Variants in MGST2 observed in about 807,000 individuals in gnomAD.
The protein encoded by MGST2 is glutathione peroxidase MGST2.
MGST2 carries 9 observed loss-of-function variants against 16.6 expected under a neutral mutation model. The observed-to-expected ratio is 0.54, with a 90% CI of 0.33 to 0.95. MGST2 has a LOEUF of 0.95. Ranked by LOEUF, MGST2 falls within the 40% of genes least tolerant of loss-of-function variation. MGST2 has a pLI of 0.03. For synonymous variants in MGST2, 79 were observed against 68.0 expected (o/e 1.16, Z -0.79); for missense variants, 159 against 175.1 (o/e 0.91, Z 0.52).
the MGST2 span, among the ~76,000 whole-genome samples, chr4:139,752,949 T>C: frequency 6.6e-6 from 1 of 152,018 alleles, no homozygotes; most frequent in Non-Finnish European, 1.5e-5. Context: ...CAGGCTGGGG[T>C]GATTTTTTTG....
chr4:139,712,713 C>T (rs1178942138), intron 5 of MGST2, among the ~76,000 whole-genome samples: 2 of 152,102 alleles, frequency 1.3e-5, no homozygotes, highest in Non-Finnish European at 1.5e-5. Flanking sequence ...TCTTTACTTA[C>T]CATAGGTCAG....
chr4:139,717,122 T>C (rs891610942), intron 5 of MGST2: 1 of 152,498 alleles, frequency 6.6e-6, no homozygotes, highest in Non-Finnish European at 1.5e-5. Flanking sequence ...TACAAATAAC[T>C]TTTTTTAGAC....
intron 5 of MGST2, chr4:139,719,765 G>C (rs371775002): frequency 6.2e-7 from 1 of 1,613,600 alleles, no homozygotes; most frequent in African/African-American, 1.3e-5. Flanking sequence ...CGGCTGCCCA[G>C]CTTGAAGAGG....
chr4:139,675,097 C>T (rs978626582), intron 1 of MGST2, among the ~76,000 whole-genome samples: 4 of 152,176 alleles, frequency 2.6e-5, no homozygotes, highest in African/African-American at 7.2e-5. Context: ...TATGTGAAGA[C>T]GTTGTCTTTA....
At chr4:139,706,832 A>C (rs559226742), downstream of MGST2, among the ~76,000 whole-genome samples, 45 of 152,278 alleles carry the variant, frequency 3.0e-4, no homozygotes, top group African/African-American at 1.1e-3. Flanking sequence ...GATTATTTTC[A>C]TTCCTATTAG....
chr4:139,724,236 A>ATC (rs1272938460), intron 5 of MGST2, among the ~76,000 whole-genome samples: 1 of 152,212 alleles, frequency 6.6e-6, no homozygotes. Flanking sequence ...TTTACAGGTG[A>ATC]TCTTCAATGT....
rs185122436 is a variant in MGST2 at position 139,686,552 on chromosome 4, C to T, written c.158+7910C>T. ...TTTAATTTTTGGTTTACACCCTATTCAACAGAGAAAGAATCTCATGGTCAG... is the reference window on the plus strand; with the variant it reads ...TTTAATTTTTGGTTTACACCCTATTTAACAGAGAAAGAATCTCATGGTCAG... On this transcript the variant is annotated intron_variant, in intron 2 of 4. Coordinates refer to ENST00000265498, the MANE Select transcript of MGST2 (RefSeq NM_002413.5). Among the ~76,000 whole-genome samples, 4 of 152,282 alleles carry T rather than the reference C, an allele frequency of 2.6e-5. No individual in the cohort carries two copies. In the East Asian group the frequency reaches 7.7e-4, roughly 29 times the overall value.
chr4:139,683,448 A>C (rs75425788), intron 2 of MGST2, among the ~76,000 whole-genome samples: 3 of 152,060 alleles, frequency 2.0e-5, no homozygotes, highest in Admixed American at 6.6e-5. Context: ...CTGTCTTGAC[A>C]TGTTGTGTTT....
intron 1 of MGST2, among the ~76,000 whole-genome samples, chr4:139,675,918 T>TAC (rs1192096444): frequency 6.6e-6 from 1 of 152,106 alleles, no homozygotes; most frequent in East Asian, 1.9e-4. Flanking sequence ...GAAAGTCTAG[T>TAC]TACATATAAA....
the MGST2 span, among the ~76,000 whole-genome samples, chr4:139,752,750 A>T: frequency 6.6e-6 from 1 of 152,304 alleles, no homozygotes; most frequent in South Asian, 2.1e-4. Context: ...CTAACACCTA[A>T]ATGATTTTAG....
chr4:139,675,497 A>G lies in MGST2; in HGVS notation c.59-3046A>G, dbSNP rs1490268852. Among the ~76,000 whole-genome samples, 3 of 152,240 alleles carry G rather than the reference A, an allele frequency of 2.0e-5. No individual in the cohort carries two copies. The East Asian group carries it at 5.8e-4, about 29-fold the overall frequency. Reference sequence around the variant, plus strand: ...ATGAAATAAAGGAGAAGAAAGTCATACTGTTTTATAACAGGGAAACGTCGG... The same window carrying G: ...ATGAAATAAAGGAGAAGAAAGTCATGCTGTTTTATAACAGGGAAACGTCGG... On this transcript the variant is annotated intron_variant, in intron 1 of 4. Transcript: ENST00000265498.
chr4:139,704,169 A>G lies in MGST2; in HGVS notation c.*21A>G, dbSNP rs925424. 1,612,627 of 1,613,742 alleles carry G rather than the reference A, an allele frequency of 1. 805,756 individuals carry two copies. Among genetic ancestry groups the G allele is most frequent in the Middle Eastern group, 1 (6,062 of 6,062 alleles). ...TCTAACTTTTTCTCTTCCCTTTAAT[A>G]CTTGCAGAAGCTGTTCCCACCATGA... On this transcript the variant is annotated 3_prime_UTR_variant, in exon 5 of 5. Coordinates refer to ENST00000265498, the MANE Select transcript of MGST2 (RefSeq NM_002413.5).
the MGST2 span, among the ~76,000 whole-genome samples, chr4:139,751,067 C>T: frequency 6.6e-6 from 1 of 152,224 alleles, no homozygotes; most frequent in Non-Finnish European, 1.5e-5. Flanking sequence ...CAGGGTCTAA[C>T]TCTGGATCTG....
chr4:139,693,740 A>G (rs138972476), intron 2 of MGST2, among the ~76,000 whole-genome samples: 160 of 152,352 alleles, frequency 1.1e-3, no homozygotes, highest in African/African-American at 3.7e-3. Flanking sequence ...TTGCAAGAGT[A>G]TCAGTGTTAG....
At chr4:139,669,806 GGTACAGCA>G (rs574685415) in intron 1 of MGST2, among the ~76,000 whole-genome samples, 252 of 152,300 alleles carry the variant, frequency 1.7e-3, no homozygotes, top group African/African-American at 5.8e-3. Flanking sequence ...AATCCAAAGG[GGTACAGCA>G]GTTTGTATAC....
At chr4:139,732,833 G>A (rs1055900424) in intron 5 of MGST2, among the ~76,000 whole-genome samples, 25 of 152,120 alleles carry the variant, frequency 1.6e-4, no homozygotes, top group Admixed American at 4.6e-4. Context: ...AGTGTACTGC[G>A]TTCTATTTTT....
intron 5 of MGST2, among the ~76,000 whole-genome samples, chr4:139,713,933 GA>G (rs1223379663): frequency 6.6e-6 from 1 of 152,224 alleles, no homozygotes; most frequent in Middle Eastern, 3.2e-3. Context: ...GAAGAGTCTA[GA>G]GTAGTTAATT....
At chr4:139,673,760 G>T (rs1361182960) in intron 1 of MGST2, among the ~76,000 whole-genome samples, 1 of 152,144 alleles carries the variant, frequency 6.6e-6, no homozygotes, top group East Asian at 1.9e-4. Context: ...GCCCAGGCTG[G>T]TCTTGAACTC....
At chr4:139,737,784 T>C (rs893094905) in intron 5 of MGST2, among the ~76,000 whole-genome samples, 10 of 152,304 alleles carry the variant, frequency 6.6e-5, no homozygotes, top group Admixed American at 4.6e-4. Context: ...ACTGTGGGTT[T>C]GGAGAGGTGT....
Sources: gnomAD v4.1 joint callset for allele counts (sites outside exome capture counted in the v4.1 genomes callset) on GRCh38, gnomAD v4.1.1 for gene constraint, MANE v1.5 for transcripts, NCBI Gene and HGNC (gene_info 2026-07-23, HGNC 2026-07-21) for gene names.